The following ATRNL1 variants were observed in gnomAD, a reference collection of about 807,000 sequenced individuals.
ATRNL1 encodes attractin-like protein 1.
Under a neutral mutation model 182.7 loss-of-function variants are expected in ATRNL1, and 95 were observed. The observed-to-expected ratio is 0.52, with a 90% CI of 0.44 to 0.62. The LOEUF (loss-of-function observed/expected upper bound fraction) is 0.62. Ranked by LOEUF, ATRNL1 falls within the 20% of genes least tolerant of loss-of-function variation. The probability of loss-of-function intolerance (pLI) is 0.00; values close to 1 mark genes in which losing one functional copy is unlikely to be tolerated. For synonymous variants in ATRNL1, 576 were observed against 568.3 expected (o/e 1.01, Z -0.19); for missense variants, 1,471 against 1,679.5 (o/e 0.88, Z 2.17).
At chr10:115,600,171 C>T (rs1055042042) in intron 26 of ATRNL1, among the ~76,000 whole-genome samples, 3 of 152,056 alleles carry the variant, frequency 2.0e-5, no homozygotes, top group Admixed American at 6.6e-5. Flanking sequence ...TATACCACTT[C>T]GTTCATTGAT....
chr10:115,098,138 G>A (rs996327797), intron 1 of ATRNL1, among the ~76,000 whole-genome samples: 2 of 152,066 alleles, frequency 1.3e-5, no homozygotes, highest in African/African-American at 2.4e-5. Flanking sequence ...TTATTAAAGT[G>A]TATAATCACA....
intron 26 of ATRNL1, among the ~76,000 whole-genome samples, chr10:115,661,405 G>A (rs74158215): frequency 0.012 from 1,769 of 152,200 alleles, 36 homozygotes; most frequent in African/African-American, 0.04. Context: ...AGAAAATGAT[G>A]CATGGGAGAA....
chr10:115,273,183 G>A (rs1851948910), intron 13 of ATRNL1, among the ~76,000 whole-genome samples: 1 of 152,058 alleles, frequency 6.6e-6, no homozygotes, highest in South Asian at 2.1e-4. Context: ...GTGGATGGAA[G>A]TCCATTTTGC....
intron 19 of ATRNL1, among the ~76,000 whole-genome samples, chr10:115,391,022 G>T (rs1037250109): frequency 5.3e-5 from 8 of 152,106 alleles, no homozygotes; most frequent in East Asian, 1.9e-4. Flanking sequence ...CTGAACTTCT[G>T]TATCAGTTCT....
At chr10:115,395,329 T>A (rs111877058) in intron 20 of ATRNL1, among the ~76,000 whole-genome samples, 1 of 151,980 alleles carries the variant, frequency 6.6e-6, no homozygotes, top group African/African-American at 2.4e-5. Context: ...TGCATGTGTC[T>A]TTTTGGTAGA....
intron 26 of ATRNL1, among the ~76,000 whole-genome samples, chr10:115,717,103 T>G (rs564193871): frequency 6.6e-6 from 1 of 152,330 alleles, no homozygotes; most frequent in East Asian, 1.9e-4. Context: ...CCTGGCCTTT[T>G]GTATTAAAAA....
At chr10:115,441,276 AC>A (rs1254357267) in intron 21 of ATRNL1, among the ~76,000 whole-genome samples, 1 of 151,756 alleles carries the variant, frequency 6.6e-6, no homozygotes, top group African/African-American at 2.4e-5. Flanking sequence ...CTCCCCTTAT[AC>A]TTCTCCAACT....
At chr10:115,924,974 G>A (rs1953179258) in intron 28 of ATRNL1, among the ~76,000 whole-genome samples, 1 of 152,212 alleles carries the variant, frequency 6.6e-6, no homozygotes, top group African/African-American at 2.4e-5. Context: ...TCCCTTGTTA[G>A]CTGTATTCCT....
At chr10:115,817,894 T>C (rs1428680053) in intron 27 of ATRNL1, among the ~76,000 whole-genome samples, 3 of 119,486 alleles carry the variant, frequency 2.5e-5, no homozygotes, top group Non-Finnish European at 5.5e-5. Context: ...TTTTTTTTTT[T>C]CTGTTTTAAT....
intron 24 of ATRNL1, among the ~76,000 whole-genome samples, chr10:115,477,378 C>T (rs2134597794): frequency 6.6e-6 from 1 of 151,642 alleles, no homozygotes; most frequent in African/African-American, 2.4e-5. Context: ...AGTTTTCAGT[C>T]ATGTGCATTA....
At chr10:115,892,225 T>A (rs1320570000) in intron 28 of ATRNL1, among the ~76,000 whole-genome samples, 1 of 152,216 alleles carries the variant, frequency 6.6e-6, no homozygotes, top group African/African-American at 2.4e-5. Flanking sequence ...ATTTGATGGC[T>A]TTTGTTTATG....
In ATRNL1 at chr10:115,301,945, T is replaced by C; in HGVS notation, c.2720T>C (p.Met907Thr). The change falls in exon 17 of 29, where the codon ATG becomes ACG. Residue 907 changes from methionine to threonine, a missense_variant. Met to Thr is a moderately conservative substitution (Grantham distance 81, BLOSUM62 -1). Around this residue, in one of 3 missense-constraint regions of ATRNL1, gnomAD observed 1,031 missense variants for 1,156.0 expected, o/e 0.89. Coordinates refer to ENST00000355044, the MANE Select transcript of ATRNL1 (RefSeq NM_207303.4). ...SNCTSNGMEC[M>T]WCSSTKRCVD... ...TGTACAAGCAATGGCATGGAGTGTATGTGGTGCAGCAGTACGAAACGATGT... is the reference window on the plus strand; with the variant it reads ...TGTACAAGCAATGGCATGGAGTGTACGTGGTGCAGCAGTACGAAACGATGT... 1 of 1,614,096 alleles carries C rather than the reference T, an allele frequency of 6.2e-7. No individual in the cohort carries two copies. Among genetic ancestry groups the C allele is most frequent in the Non-Finnish European group, 8.5e-7 (1 of 1,179,960 alleles).
At chr10:115,842,635 A>G (rs1396554368) in intron 27 of ATRNL1, among the ~76,000 whole-genome samples, 2 of 152,026 alleles carry the variant, frequency 1.3e-5, no homozygotes, top group Admixed American at 6.6e-5. Flanking sequence ...TGGGGTAGGT[A>G]TTTGCATATA....
intron 27 of ATRNL1, among the ~76,000 whole-genome samples, chr10:115,780,490 G>A (rs959797866): frequency 1.3e-5 from 2 of 152,186 alleles, no homozygotes; most frequent in Non-Finnish European, 1.5e-5. Context: ...TGCTAAGGAA[G>A]TGCTTGTGCC....
chr10:115,161,831 G>A (rs1375484172), intron 6 of ATRNL1, among the ~76,000 whole-genome samples: 1 of 152,008 alleles, frequency 6.6e-6, no homozygotes, highest in Non-Finnish European at 1.5e-5. Context: ...TCAATTGTAG[G>A]TAAGGATAAC....
At chr10:115,645,845 T>G (rs1298269976) in intron 26 of ATRNL1, among the ~76,000 whole-genome samples, 3 of 152,068 alleles carry the variant, frequency 2.0e-5, no homozygotes, top group African/African-American at 7.2e-5. Context: ...ATCCCTATTG[T>G]GTTTGAAGTA....
chr10:115,886,446 G>A lies in ATRNL1; in HGVS notation c.4018+38455G>A, dbSNP rs533028152. ...GGAGAATCGCTTGAACCCGTGAGGCGGAGGTTGCAGTGAGCCAAGATCGCA... is the reference window on the plus strand; with the variant it reads ...GGAGAATCGCTTGAACCCGTGAGGCAGAGGTTGCAGTGAGCCAAGATCGCA... On this transcript the variant is annotated intron_variant, in intron 28 of 28. Transcript: ENST00000355044. Among the ~76,000 whole-genome samples the A allele has an allele frequency of 2.5e-4, 38 of 152,272 alleles. 1 individual carries two copies. The South Asian group carries it at 6.4e-3, about 26-fold the overall frequency.
intron 13 of ATRNL1, among the ~76,000 whole-genome samples, chr10:115,275,003 C>T (rs1313341146): frequency 1.3e-5 from 2 of 152,192 alleles, no homozygotes; most frequent in Non-Finnish European, 2.9e-5. Flanking sequence ...ACCACTCCTG[C>T]ATCCTTTAAG....
chr10:115,397,759 G>C (rs1474775840), intron 20 of ATRNL1, among the ~76,000 whole-genome samples: 1 of 151,888 alleles, frequency 6.6e-6, no homozygotes, highest in Non-Finnish European at 1.5e-5. Flanking sequence ...TAGCATTTCC[G>C]GTCTTTGCTC....
Sources: gnomAD v4.1 joint callset for allele counts (sites outside exome capture counted in the v4.1 genomes callset) on GRCh38, gnomAD v4.1.1 for gene constraint, gnomAD v4.1.1 regional missense constraint, MANE v1.5 for transcripts, NCBI Gene and HGNC (gene_info 2026-07-23, HGNC 2026-07-21) for gene names.